Variants in ZNF441 observed in about 807,000 individuals in gnomAD.
ZNF441 encodes the protein zinc finger protein 441.
Under a neutral mutation model 64.5 loss-of-function variants are expected in ZNF441, and 25 were observed. The ratio of observed to expected loss-of-function variants is 0.39; its 90% CI spans 0.28 to 0.54. The LOEUF is 0.54. Among genes scored for constraint, ZNF441 ranks in the 20% least tolerant of loss-of-function variants. The pLI, the probability that ZNF441 is intolerant of heterozygous loss-of-function variation, is 0.70. For synonymous variants in ZNF441, 262 were observed against 268.0 expected, an observed-to-expected ratio of 0.98 and a Z score of 0.22; for missense variants, 715 against 843.3, an observed-to-expected ratio of 0.85 and a Z score of 1.88.
chr19:11,775,718 C>T (rs1975350420), intron 1 of ZNF441, among the ~76,000 whole-genome samples: 2 of 144,646 alleles, frequency 1.4e-5, no homozygotes, highest in Non-Finnish European at 3.0e-5. Context: ...ACCTCCGATT[C>T]GCAGGTTCAA....
At position 11,780,382 on chromosome 19, in the gene ZNF441, C is replaced by T. The variant is rs373410111; in HGVS notation, c.558C>T (p.His186=). Residue 186 remains histidine (H), a synonymous_variant, in exon 4 of 4, where the codon CAC becomes CAT. Transcript: ENST00000357901. ...GTTCTCTTGAAAACCTTCAAAGACA[C>T]ATGGCAGCACACCATGGAGATGGAC... ...SFSSLENLQR[H]MAAHHGDGPR... is the part of the protein sequence containing the mutation. 8 of 1,614,106 alleles carry T rather than the reference C, an allele frequency of 5.0e-6. No homozygotes were observed. Among genetic ancestry groups the T allele is most frequent in the Non-Finnish European group, 6.8e-6 (8 of 1,180,046 alleles).
intron 1 of ZNF441, among the ~76,000 whole-genome samples, chr19:11,768,639 C>T (rs749026137): frequency 6.6e-6 from 1 of 152,218 alleles, no homozygotes; most frequent in Non-Finnish European, 1.5e-5. Context: ...CTTTGTCACT[C>T]CTCCCAGAGG....
In ZNF441 at chr19:11,777,746, G is replaced by A; in HGVS notation, c.130+9G>A. ...AAACCTGGACTGTATAGGTAAGGAT[G>A]TCATCATGTCTTCACTTAGTCAATT... On this transcript the variant is annotated intron_variant, in intron 2 of 3. Coordinates refer to ENST00000357901, the MANE Select transcript of ZNF441 (RefSeq NM_152355.3). The A allele has an allele frequency of 6.3e-7, 1 of 1,599,774 alleles. No individual in the cohort carries two copies. The highest frequency in any genetic ancestry group is 1.1e-5 in the South Asian group (1 of 88,442).
At chr19:11,772,088 T>C (rs1252164112) in intron 1 of ZNF441, among the ~76,000 whole-genome samples, 2 of 152,242 alleles carry the variant, frequency 1.3e-5, no homozygotes, top group Non-Finnish European at 2.9e-5. Context: ...TCTTTCTCTC[T>C]GTCTCCTCTC....
chr19:11,774,526 T>C (rs765998312), intron 1 of ZNF441, among the ~76,000 whole-genome samples: 2 of 152,218 alleles, frequency 1.3e-5, no homozygotes, highest in African/African-American at 2.4e-5. Flanking sequence ...ATTTTTTACT[T>C]TGGTTGCTCA....
Position 11,781,215 on chromosome 19 carries a change from T to C in ZNF441, c.1391T>C (p.Val464Ala). 2 of 1,612,050 alleles carry C rather than the reference T, an allele frequency of 1.2e-6. No individual in the cohort carries two copies. The highest frequency in any genetic ancestry group is 1.7e-6 in the Non-Finnish European group (2 of 1,179,522). The change falls in exon 4 of 4, where the codon GTA becomes GCA. Residue 464 changes from valine to alanine, a missense_variant. Coordinates refer to ENST00000357901, the MANE Select transcript of ZNF441 (RefSeq NM_152355.3). ...KAFRSSNYIR[V>A]HEKTHTGEKP... ...TTCAGGTCTTCCAATTACATTCGAG[T>C]ACATGAAAAGACTCACACTGGAGAA...
intron 3 of ZNF441, among the ~76,000 whole-genome samples, chr19:11,779,383 C>T (rs1380252998): frequency 6.6e-6 from 1 of 150,712 alleles, no homozygotes; most frequent in Non-Finnish European, 1.5e-5. Context: ...CCCTTGTAAT[C>T]CCAGCACTAC....
intron 3 of ZNF441, 55 bp from the exon 4 acceptor site, chr19:11,779,964 A>T: frequency 7.4e-7 from 1 of 1,352,956 alleles, no homozygotes; most frequent in Non-Finnish European, 1.0e-6. Flanking sequence ...AATACTTATT[A>T]ATACAAAATC....
chr19:11,767,332 G>T lies in ZNF441; in HGVS notation c.3+136G>T. 1 of 1,374,680 alleles carries T rather than the reference G, an allele frequency of 7.3e-7. No homozygotes were observed. The highest frequency in any genetic ancestry group is 1.0e-6 in the Non-Finnish European group (1 of 999,876). The allele number at this position is 1,374,680 out of a possible 1,614,324, so 85.2% of individuals were successfully genotyped here. On this transcript the variant is annotated intron_variant, in intron 1 of 3. Transcript: ENST00000357901. The surrounding 1 kb of genome is among the most constrained non-coding windows in gnomAD (Gnocchi z 5.1). The stretch of plus-strand genomic sequence containing the variant: ...AGCTCGGCCCTCGGTTCCCTCGGCC[G>T]CACGATGGGGCTGGGGCGGCAGCCG...
rs372633691 is a variant in ZNF441 at position 11,781,594 on chromosome 19, G to A, written c.1770G>A (p.Lys590=). 7.4e-5 allele frequency: 120 copies of A among 1,613,896 alleles called. 2 individuals are homozygous for A. The Middle Eastern group carries it at 1.2e-3, about 16-fold the overall frequency. The change falls in exon 4 of 4, where the codon AAG becomes AAA. Residue 590 remains lysine, a synonymous_variant. Coordinates refer to ENST00000357901, the MANE Select transcript of ZNF441 (RefSeq NM_152355.3). ...CTGGAAATGGACCTCATAAATGTAAGATATGTGGGAAAGGCTTTGATTATC... is the reference window on the plus strand; with the variant it reads ...CTGGAAATGGACCTCATAAATGTAAAATATGTGGGAAAGGCTTTGATTATC... ...THTGNGPHKC[K]ICGKGFDYPS...
At chr19:11,768,211 C>T (rs1975286073) in intron 1 of ZNF441, among the ~76,000 whole-genome samples, 1 of 152,184 alleles carries the variant, frequency 6.6e-6, no homozygotes, top group Admixed American at 6.5e-5. Context: ...GCTTTCTCTC[C>T]TCAATTCACA....
In ZNF441 at chr19:11,781,143, T is replaced by G; in HGVS notation, c.1319T>G (p.Ile440Ser). 6.2e-7 allele frequency: 1 copy of G among 1,613,868 alleles called. No individual in the cohort carries two copies. Among genetic ancestry groups the G allele is most frequent in the East Asian group, 2.2e-5 (1 of 44,836 alleles). ...CCTYLQIHER[I>S]HTGERPYKCK... ...ACTTACCTTCAAATACATGAAAGAATTCACACTGGGGAGAGACCCTATAAA... is the reference window on the plus strand; with the variant it reads ...ACTTACCTTCAAATACATGAAAGAAGTCACACTGGGGAGAGACCCTATAAA... Residue 440 changes from isoleucine to serine, a missense_variant, in exon 4 of 4, where the codon ATT becomes AGT. By Grantham distance (142) the Ile-to-Ser change is moderately radical. This residue lies in a region of ZNF441 where 316 missense variants were observed against 429.3 expected (regional missense o/e 0.74). Transcript: ENST00000357901.
intron 1 of ZNF441, among the ~76,000 whole-genome samples, chr19:11,771,304 A>G (rs117074361): frequency 0.014 from 2,099 of 152,340 alleles, 28 homozygotes; most frequent in Middle Eastern, 0.041. Flanking sequence ...TCCTTGAATG[A>G]CACAAGCTAC....
rs754159487 is a variant in ZNF441 at position 11,767,937 on chromosome 19, C to T, written c.3+741C>T. Among the ~76,000 whole-genome samples the T allele has an allele frequency of 3.9e-5, 6 of 152,200 alleles. No homozygotes were observed. Among genetic ancestry groups the T allele is most frequent in the African/African-American group, 7.2e-5 (3 of 41,442 alleles). On this transcript the variant is annotated intron_variant, in intron 1 of 3. Coordinates refer to ENST00000357901, the MANE Select transcript of ZNF441 (RefSeq NM_152355.3). This position sits in a 1 kb window ranked among gnomAD's most constrained non-coding sequence, Gnocchi z 5.1. ...TATCTAACTGCAATCTCGCCTCCAG[C>T]CTGGCTCGCAGTTCTGTGAACCCGG... is the stretch of plus-strand genomic sequence containing the variant.
At position 11,783,208 on chromosome 19, in the gene ZNF441, A is replaced by G. The variant is rs981910390; in HGVS notation, c.*1302A>G. 3.3e-5 allele frequency: 5 copies of G among 152,224 alleles called. No homozygotes were observed. The highest frequency in any genetic ancestry group is 5.9e-5 in the Non-Finnish European group (4 of 68,034). 9.4% of individuals were successfully genotyped at this position (152,224 alleles called of 1,614,324 possible). A position where few individuals can be genotyped will look rare whatever the true frequency, so the allele number is the denominator to read the frequency against. ...TATGGAAATATGTTCAACATCACTA[A>G]TGATTAGGAAAATGCAAATTGAAAC... On this transcript the variant is annotated 3_prime_UTR_variant, in exon 4 of 4. Coordinates refer to ENST00000357901, the MANE Select transcript of ZNF441 (RefSeq NM_152355.3).
chr19:11,775,574 C>T (rs139403478), intron 1 of ZNF441, among the ~76,000 whole-genome samples: 2,089 of 151,378 alleles, frequency 0.014, 47 homozygotes, highest in African/African-American at 0.049. Flanking sequence ...CGTGATCCGC[C>T]CACCTCGGCC....
In ZNF441 at chr19:11,783,965, T is replaced by A. The variant is rs969822353; in HGVS notation, c.*2059T>A. The A allele has an allele frequency of 6.6e-6, 1 of 152,210 alleles. No homozygotes were observed. Among genetic ancestry groups the A allele is most frequent in the African/African-American group, 2.4e-5 (1 of 41,452 alleles). 9.4% of individuals were successfully genotyped at this position (152,210 alleles called of 1,614,324 possible). On this transcript the variant is annotated 3_prime_UTR_variant, in exon 4 of 4. Coordinates refer to ENST00000357901, the MANE Select transcript of ZNF441 (RefSeq NM_152355.3). ...TACTCAAGATCATGGATACCCCAAA[T>A]ACGCTGACTTGACCATTACACATTC... is the stretch of plus-strand genomic sequence containing the variant.
Position 11,779,318 on chromosome 19 carries a change from CAAAAAAAAAAAA to C in ZNF441, c.195-693_195-682del, listed in dbSNP as rs67463970. ...TGGGCAACAGAGCAAAACCCAGTTTCAAAAAAAAAAAAAAAAAAAGAAAAAGAAAAAGAAAGG... is the reference window on the plus strand; with the variant it reads ...TGGGCAACAGAGCAAAACCCAGTTTCAAAAAAAGAAAAAGAAAAAGAAAGG... On this transcript the variant is annotated intron_variant, in intron 3 of 3. Transcript: ENST00000357901. Among the ~76,000 whole-genome samples the C allele has an allele frequency of 7.1e-3, 734 of 103,456 alleles. 6 individuals carry two copies. Among genetic ancestry groups the C allele is most frequent in the Non-Finnish European group, 0.012 (573 of 48,804 alleles). 67.9% of individuals were successfully genotyped at this position (103,456 alleles called of 152,430 possible). A position where few individuals can be genotyped will look rare whatever the true frequency, so the allele number is the denominator to read the frequency against.
intron 1 of ZNF441, among the ~76,000 whole-genome samples, chr19:11,771,094 C>G (rs1463315301): frequency 6.6e-6 from 1 of 152,012 alleles, no homozygotes; most frequent in African/African-American, 2.4e-5. Context: ...AAATAGTAAG[C>G]AAGAAATCAG....
Sources: gnomAD v4.1 joint callset for allele counts (sites outside exome capture counted in the v4.1 genomes callset) on GRCh38, gnomAD v4.1.1 for gene constraint, gnomAD v4.1.1 regional missense constraint, Gnocchi (gnomAD v3.1) non-coding constraint, MANE v1.5 for transcripts, NCBI Gene and HGNC (gene_info 2026-07-23, HGNC 2026-07-21) for gene names.